The following EPB41L4A variants were observed in gnomAD, a reference collection of about 807,000 sequenced individuals.
EPB41L4A encodes the protein erythrocyte membrane protein band 4.1 like 4A.
In EPB41L4A, 100 loss-of-function variants were observed where a neutral mutation model predicts 108.6. The observed-to-expected ratio is 0.92, with a 90% CI of 0.78 to 1.09. The LOEUF (loss-of-function observed/expected upper bound fraction) is 1.09. Among genes scored for constraint, EPB41L4A ranks in the 50% least tolerant of loss-of-function variants. The pLI is 0.00. For synonymous variants in EPB41L4A, 319 were observed against 289.0 expected, an observed-to-expected ratio of 1.10 and a Z score of -1.05; for missense variants, 1,030 against 842.7, an observed-to-expected ratio of 1.22 and a Z score of -2.75.
At chr5:112,184,984 C>T (rs924357066) in intron 17 of EPB41L4A, among the ~76,000 whole-genome samples, 1 of 152,068 alleles carries the variant, frequency 6.6e-6, no homozygotes, top group African/African-American at 2.4e-5. Context: ...TTTGGACTTC[C>T]GAGGTATCAA....
intron 4 of EPB41L4A, among the ~76,000 whole-genome samples, chr5:112,273,369 G>A (rs901925160): frequency 6.6e-6 from 1 of 152,178 alleles, no homozygotes; most frequent in African/African-American, 2.4e-5. Flanking sequence ...TTCCGTTAAT[G>A]AGCCATCAGT....
downstream of EPB41L4A, among the ~76,000 whole-genome samples, chr5:112,142,079 T>C (rs74507142): frequency 7.5e-3 from 1,136 of 152,310 alleles, 7 homozygotes; most frequent in Admixed American, 0.01. Context: ...CTGTGCCTTG[T>C]CTCTCTTCCC....
At chr5:112,142,764 T>C (rs1228321353) in exon 14 of EPB41L4A, 1 of 152,368 alleles carries the variant, frequency 6.6e-6, no homozygotes, top group East Asian at 1.9e-4. Context: ...TTCTTAACTT[T>C]TGAAGTGTAT....
chr5:112,389,786 A>C (rs999460765), intron 1 of EPB41L4A, among the ~76,000 whole-genome samples: 3 of 152,144 alleles, frequency 2.0e-5, no homozygotes, highest in Non-Finnish European at 4.4e-5. Flanking sequence ...AATTTGTTAT[A>C]ATTTCATCTT....
intron 9 of EPB41L4A, among the ~76,000 whole-genome samples, chr5:112,248,034 T>C (rs555181633): frequency 1.3e-5 from 2 of 152,346 alleles, no homozygotes; most frequent in East Asian, 3.9e-4. Context: ...ACTGGCTTCC[T>C]AATTATTTCT....
At chr5:112,214,901 A>G (rs557399230) in intron 12 of EPB41L4A, among the ~76,000 whole-genome samples, 6 of 152,186 alleles carry the variant, frequency 3.9e-5, no homozygotes, top group Non-Finnish European at 7.3e-5. Context: ...GGAAACACAG[A>G]TTATTCTGTG....
intron 4 of EPB41L4A, 65 bp from the exon 5 acceptor site, chr5:112,266,395 C>T: frequency 8.9e-7 from 1 of 1,123,180 alleles, no homozygotes; most frequent in Non-Finnish European, 1.3e-6. Flanking sequence ...GGTTTCGGAC[C>T]CTGATAATCA....
chr5:112,302,243 C>T (rs540956005), intron 2 of EPB41L4A, among the ~76,000 whole-genome samples: 1 of 152,170 alleles, frequency 6.6e-6, no homozygotes, highest in East Asian at 1.9e-4. Flanking sequence ...TGGTGGCTCA[C>T]ACCTATAATC....
intron 11 of EPB41L4A, among the ~76,000 whole-genome samples, chr5:112,236,012 T>A (rs912536176): frequency 6.6e-6 from 1 of 152,170 alleles, no homozygotes; most frequent in Admixed American, 6.5e-5. Context: ...GTCTGGAGTA[T>A]GAAGATAAGG....
chr5:112,276,516 T>G (rs954932018), intron 3 of EPB41L4A, among the ~76,000 whole-genome samples: 5 of 152,240 alleles, frequency 3.3e-5, no homozygotes, highest in Admixed American at 6.5e-5. Flanking sequence ...AGGATTTGTT[T>G]TGTTACCTGG....
chr5:112,395,042 A>C (rs1761236095), intron 1 of EPB41L4A, among the ~76,000 whole-genome samples: 1 of 152,260 alleles, frequency 6.6e-6, no homozygotes, highest in African/African-American at 2.4e-5. Flanking sequence ...GGCTAGCCAT[A>C]TGTAGAAAGT....
chr5:112,383,078 CAGA>C (rs903153528), intron 1 of EPB41L4A, among the ~76,000 whole-genome samples: 4 of 152,158 alleles, frequency 2.6e-5, no homozygotes, highest in South Asian at 4.1e-4. Flanking sequence ...AGAGGATCCT[CAGA>C]AGTGCATGTG....
Position 112,363,084 on chromosome 5 carries a change from G to C in EPB41L4A, c.100-55594C>G, listed in dbSNP as rs1223229262. On this transcript the variant is annotated intron_variant, in intron 1 of 22. Coordinates refer to ENST00000261486, the MANE Select transcript of EPB41L4A (RefSeq NM_022140.5). ...TTTCCATTAGCCACTTTCAAGGCTT[G>C]AAAATGTCCTGTACACAAGTTTCAG... 2.0e-5 allele frequency among the ~76,000 whole-genome samples: 3 copies of C among 152,080 alleles called. No homozygotes were observed. The East Asian group carries it at 5.8e-4, about 29-fold the overall frequency.
At chr5:112,296,379 T>A (rs749600976) in intron 2 of EPB41L4A, among the ~76,000 whole-genome samples, 4 of 152,152 alleles carry the variant, frequency 2.6e-5, no homozygotes, top group Non-Finnish European at 5.9e-5. Flanking sequence ...GTTGAATTAC[T>A]ATAATAATCA....
At chr5:112,307,087 C>CA (rs563473373) in intron 2 of EPB41L4A, among the ~76,000 whole-genome samples, 135 of 152,198 alleles carry the variant, frequency 8.9e-4, no homozygotes, top group African/African-American at 3.0e-3. Flanking sequence ...ACGACATATT[C>CA]AGTCCTCCAT....
At chr5:112,418,158 T>C (rs1225866833) in intron 1 of EPB41L4A, among the ~76,000 whole-genome samples, 1 of 152,194 alleles carries the variant, frequency 6.6e-6, no homozygotes, top group African/African-American at 2.4e-5. Flanking sequence ...GCTCCGGATT[T>C]AGATCTCCTT....
chr5:112,344,734 C>T (rs1301789980), intron 1 of EPB41L4A, among the ~76,000 whole-genome samples: 1 of 152,224 alleles, frequency 6.6e-6, no homozygotes, highest in African/African-American at 2.4e-5. Flanking sequence ...GGCTGCCCTC[C>T]CGAGGTGCTG....
At chr5:112,380,324 A>G (rs535884962) in intron 1 of EPB41L4A, among the ~76,000 whole-genome samples, 2 of 152,362 alleles carry the variant, frequency 1.3e-5, no homozygotes, top group East Asian at 3.9e-4. Context: ...TGCTTGTTCA[A>G]TAAAACTATT....
chr5:112,416,051 A>G (rs1762702049), intron 1 of EPB41L4A, among the ~76,000 whole-genome samples: 1 of 150,886 alleles, frequency 6.6e-6, no homozygotes, highest in Admixed American at 6.6e-5. Flanking sequence ...CATTTAACTG[A>G]TATTCATCTT....
Sources: allele counts gnomAD v4.1 joint callset (sites outside exome capture counted in the v4.1 genomes callset), GRCh38; gene constraint gnomAD v4.1.1; transcripts MANE v1.5; gene names NCBI Gene and HGNC (gene_info 2026-07-23, HGNC 2026-07-21).